The following CDH18 variants were observed in gnomAD, a reference collection of about 807,000 sequenced individuals.
The protein encoded by CDH18 is cadherin-18.
A neutral mutation model predicts 67.9 loss-of-function variants in CDH18; 31 were observed. That is an observed-to-expected ratio of 0.46 (90% CI 0.34 to 0.62). The LOEUF (loss-of-function observed/expected upper bound fraction) is 0.62. CDH18 is among the 20% of genes least tolerant of loss of function. CDH18 has a pLI of 0.01. For synonymous variants in CDH18, 362 were observed against 347.2 expected (o/e 1.04, Z -0.48); for missense variants, 890 against 975.5 (o/e 0.91, Z 1.17).
rs969687106 is a variant in CDH18 at position 19,507,629 on chromosome 5, G to A, written c.1513-4520C>T. Among the ~76,000 whole-genome samples the A allele has an allele frequency of 7.2e-5, 11 of 151,758 alleles. No individual in the cohort carries two copies. In the East Asian group the frequency reaches 1.2e-3, roughly 16 times the overall value. ...AGGGACATGGATGAAGCTGGAAACC[G>A]TCATTCTGAGCAAACTATCGCAAGG... On this transcript the variant is annotated intron_variant, in intron 10 of 12. Coordinates refer to ENST00000382275, the MANE Select transcript of CDH18 (RefSeq NM_004934.5).
At chr5:20,261,369 C>A (rs1462389864) in intron 1 of CDH18, among the ~76,000 whole-genome samples, 2 of 151,958 alleles carry the variant, frequency 1.3e-5, no homozygotes, top group Admixed American at 6.6e-5. Context: ...GCTTTTATAG[C>A]CTATTTGTAT....
intron 7 of CDH18, among the ~76,000 whole-genome samples, chr5:19,590,355 G>T (rs1744892761): frequency 6.6e-6 from 1 of 151,760 alleles, no homozygotes; most frequent in South Asian, 2.1e-4. Context: ...CTTCCCCATG[G>T]TAGTATTCAA....
intron 3 of CDH18, among the ~76,000 whole-genome samples, chr5:19,836,768 C>T (rs984586483): frequency 1.2e-4 from 18 of 152,076 alleles, no homozygotes; most frequent in African/African-American, 4.1e-4. Flanking sequence ...AATATTATTG[C>T]ATAGCTTTTC....
At chr5:19,860,240 C>A (rs750456805) in intron 2 of CDH18, among the ~76,000 whole-genome samples, 1 of 152,042 alleles carries the variant, frequency 6.6e-6, no homozygotes, top group Non-Finnish European at 1.5e-5. Flanking sequence ...CTCAACCAGA[C>A]CCTTTGCTCT....
At chr5:20,081,915 C>T (rs1744508576) in intron 2 of CDH18, among the ~76,000 whole-genome samples, 1 of 152,054 alleles carries the variant, frequency 6.6e-6, no homozygotes, top group Non-Finnish European at 1.5e-5. Flanking sequence ...ATATTACAAA[C>T]CTGAACATGT....
intron 2 of CDH18, among the ~76,000 whole-genome samples, chr5:20,215,965 G>T (rs1467039514): frequency 6.6e-6 from 1 of 151,848 alleles, no homozygotes; most frequent in African/African-American, 2.4e-5. Flanking sequence ...CACATATTAA[G>T]TCTTATCAAA....
intron 2 of CDH18, among the ~76,000 whole-genome samples, chr5:20,068,188 G>A (rs993118745): frequency 2.0e-5 from 3 of 152,052 alleles, no homozygotes; most frequent in Admixed American, 1.3e-4. Flanking sequence ...TCTAAAGAAC[G>A]TGGCTCTTTG....
chr5:19,546,198 T>C (rs1209189772), intron 8 of CDH18, among the ~76,000 whole-genome samples: 3 of 152,154 alleles, frequency 2.0e-5, no homozygotes, highest in Non-Finnish European at 4.4e-5. Context: ...AGAAAATATA[T>C]CAAAGGACTG....
intron 2 of CDH18, among the ~76,000 whole-genome samples, chr5:20,234,964 G>T (rs1372876057): frequency 6.6e-6 from 1 of 151,964 alleles, no homozygotes; most frequent in East Asian, 1.9e-4. Flanking sequence ...TGCAAGGGCG[G>T]TATCCAATCT....
intron 2 of CDH18, among the ~76,000 whole-genome samples, chr5:20,012,387 A>AC (rs1020600947): frequency 2.6e-5 from 4 of 151,124 alleles, no homozygotes; most frequent in Non-Finnish European, 5.9e-5. Flanking sequence ...AAAAAAAAAA[A>AC]AAAACACCAG....
chr5:20,454,777 G>A (rs932477106), intron 1 of CDH18, among the ~76,000 whole-genome samples: 6 of 152,120 alleles, frequency 3.9e-5, no homozygotes, highest in South Asian at 2.1e-4. Context: ...GCAATGCAGC[G>A]CCTTGTGATG....
chr5:20,165,181 G>C (rs1439765679), intron 2 of CDH18, among the ~76,000 whole-genome samples: 3 of 151,962 alleles, frequency 2.0e-5, no homozygotes, highest in Admixed American at 2.0e-4. Context: ...CATATTATTT[G>C]TTCTGTGAAA....
chr5:19,684,061 C>T (rs78044448), intron 5 of CDH18, among the ~76,000 whole-genome samples: 3,764 of 152,090 alleles, frequency 0.025, 69 homozygotes, highest in Non-Finnish European at 0.041. Context: ...TCAACTTCTC[C>T]GTGCCCCCAG....
intron 3 of CDH18, among the ~76,000 whole-genome samples, chr5:19,797,097 T>C (rs1266935384): frequency 6.6e-6 from 1 of 151,986 alleles, no homozygotes; most frequent in African/African-American, 2.4e-5. Context: ...AGAGAAGGCA[T>C]ACTGAACACA....
At chr5:19,835,165 T>C (rs1781482117) in intron 3 of CDH18, among the ~76,000 whole-genome samples, 1 of 152,120 alleles carries the variant, frequency 6.6e-6, no homozygotes. Flanking sequence ...ATGTGGTACA[T>C]ATACACCATG....
At chr5:19,514,790 G>T (rs1370307286) in intron 10 of CDH18, among the ~76,000 whole-genome samples, 5 of 152,162 alleles carry the variant, frequency 3.3e-5, no homozygotes, top group Non-Finnish European at 7.3e-5. Context: ...CACCCATTCT[G>T]TAGGTTGCCT....
In CDH18 at chr5:20,176,095, T is replaced by C. The variant is rs1055653659; in HGVS notation, c.-518+79349A>G. Among the ~76,000 whole-genome samples the C allele has an allele frequency of 2.5e-4, 38 of 152,152 alleles. 1 individual carries two copies. Among genetic ancestry groups the C allele is most frequent in the Admixed American group, 1.8e-3 (27 of 15,250 alleles). On this transcript the variant is annotated intron_variant, in intron 2 of 14. Transcript: ENST00000507958. ...CTCCCCACCTAGTCAGCCATCTGCA[T>C]AATTCAGGGCTGACCTGAATGTTTT... is the stretch of plus-strand genomic sequence containing the variant.
chr5:20,409,590 C>T (rs1465635255), intron 1 of CDH18, among the ~76,000 whole-genome samples: 14 of 151,514 alleles, frequency 9.2e-5, no homozygotes, highest in Admixed American at 3.3e-4. Flanking sequence ...AACAACCTAA[C>T]TTTACATCTC....
intron 3 of CDH18, among the ~76,000 whole-genome samples, chr5:19,792,509 C>T (rs149472618): frequency 1.8e-4 from 28 of 152,274 alleles, no homozygotes; most frequent in African/African-American, 6.3e-4. Flanking sequence ...GCTCAGTCTC[C>T]GTAATCATGT....
Sources: gnomAD v4.1 joint callset for allele counts (sites outside exome capture counted in the v4.1 genomes callset) on GRCh38, gnomAD v4.1.1 for gene constraint, MANE v1.5 for transcripts, NCBI Gene and HGNC (gene_info 2026-07-23, HGNC 2026-07-21) for gene names.